MGMT: variants seen among roughly 807,000 people sequenced by gnomAD.
MGMT encodes the protein O-6-methylguanine-DNA methyltransferase.
A neutral mutation model predicts 15.9 loss-of-function variants in MGMT; 14 were observed. The observed-to-expected ratio is 0.88, with a 90% CI of 0.58 to 1.37. The LOEUF is 1.37. MGMT is among the 40% of genes most tolerant of loss of function. MGMT has a pLI of 0.00. For synonymous variants in MGMT, 130 were observed against 118.2 expected, an observed-to-expected ratio of 1.10 and a Z score of -0.65; for missense variants, 282 against 268.1, an observed-to-expected ratio of 1.05 and a Z score of -0.36.
intron 1 of MGMT, among the ~76,000 whole-genome samples, chr10:129,497,891 C>T (rs1845538824): frequency 6.6e-6 from 1 of 152,190 alleles, no homozygotes; most frequent in South Asian, 2.1e-4. Flanking sequence ...CAGACACGGG[C>T]TCTGGCGGCA....
At chr10:129,626,026 T>A (rs1847144729) in intron 2 of MGMT, among the ~76,000 whole-genome samples, 1 of 152,202 alleles carries the variant, frequency 6.6e-6, no homozygotes, top group African/African-American at 2.4e-5. Context: ...GCGCAGAATA[T>A]GTTTGCTTGC....
chr10:129,574,771 G>C (rs1262029945), intron 2 of MGMT, among the ~76,000 whole-genome samples: 1 of 152,204 alleles, frequency 6.6e-6, no homozygotes, highest in Non-Finnish European at 1.5e-5. Context: ...CAGACTTGAT[G>C]ATGTAGCAAC....
At chr10:129,649,037 T>C (rs1313277542) in intron 2 of MGMT, among the ~76,000 whole-genome samples, 1 of 152,210 alleles carries the variant, frequency 6.6e-6, no homozygotes, top group Non-Finnish European at 1.5e-5. Flanking sequence ...TGCCTTTTCC[T>C]GTGGCTGTGG....
At chr10:129,570,323 G>A (rs563553493) in intron 2 of MGMT, among the ~76,000 whole-genome samples, 4 of 152,354 alleles carry the variant, frequency 2.6e-5, no homozygotes, top group Non-Finnish European at 5.9e-5. Context: ...AGCAGCACCC[G>A]GGTTCCACCC....
chr10:129,544,976 G>A (rs183385471), intron 2 of MGMT, among the ~76,000 whole-genome samples: 5 of 152,294 alleles, frequency 3.3e-5, no homozygotes, highest in South Asian at 2.1e-4. Context: ...GTGAGGACTC[G>A]GAGGGACTGG....
chr10:129,637,124 G>C (rs1847272339), intron 2 of MGMT, among the ~76,000 whole-genome samples: 1 of 152,228 alleles, frequency 6.6e-6, no homozygotes, highest in Admixed American at 6.5e-5. Flanking sequence ...ATGCGTATCT[G>C]AAAAGCTCCA....
chr10:129,750,668 G>T (rs1219309409), intron 3 of MGMT, among the ~76,000 whole-genome samples: 1 of 152,064 alleles, frequency 6.6e-6, no homozygotes, highest in Non-Finnish European at 1.5e-5. Context: ...AGGGTTATAT[G>T]CAAATACTAT....
chr10:129,524,900 G>A (rs1845852676), intron 1 of MGMT, among the ~76,000 whole-genome samples: 1 of 152,050 alleles, frequency 6.6e-6, no homozygotes, highest in Non-Finnish European at 1.5e-5. Context: ...CCAGAAAGAC[G>A]TTTATAGGCT....
intron 1 of MGMT, among the ~76,000 whole-genome samples, chr10:129,480,070 G>C (rs1265843670): frequency 1.3e-5 from 2 of 152,174 alleles, no homozygotes; most frequent in East Asian, 1.9e-4. Context: ...AATGTTATCA[G>C]TTTCCATTTT....
intron 2 of MGMT, chr10:129,537,303 C>T (rs942724094): frequency 6.6e-6 from 1 of 152,166 alleles, no homozygotes; most frequent in African/African-American, 2.4e-5. Flanking sequence ...TGAGCACAAG[C>T]GCAGTCATAA....
At chr10:129,672,937 A>G (rs892680378) in intron 2 of MGMT, among the ~76,000 whole-genome samples, 5 of 152,194 alleles carry the variant, frequency 3.3e-5, no homozygotes, top group Non-Finnish European at 7.3e-5. Context: ...TTCTTCCTCT[A>G]GCAGTGCTTG....
chr10:129,605,255 A>G (rs1846875123), intron 2 of MGMT, among the ~76,000 whole-genome samples: 1 of 152,250 alleles, frequency 6.6e-6, no homozygotes, highest in Non-Finnish European at 1.5e-5. Context: ...CATTTCAAAC[A>G]TAGTGTAAAC....
intron 1 of MGMT, among the ~76,000 whole-genome samples, chr10:129,497,725 A>C (rs763427267): frequency 4.6e-4 from 70 of 152,098 alleles, no homozygotes; most frequent in Non-Finnish European, 8.5e-4. Flanking sequence ...TGGCCTTTGG[A>C]GGTGGGGCCT....
chr10:129,508,463 C>T (rs1396678585), intron 1 of MGMT, among the ~76,000 whole-genome samples: 3 of 150,938 alleles, frequency 2.0e-5, no homozygotes, highest in African/African-American at 4.9e-5. Context: ...TGGAGTATAT[C>T]GAGGTAAATG....
chr10:129,552,124 G>A (rs1564849926), intron 2 of MGMT, among the ~76,000 whole-genome samples: 1 of 152,240 alleles, frequency 6.6e-6, no homozygotes, highest in Non-Finnish European at 1.5e-5. Flanking sequence ...CCCACTAAGG[G>A]GGACCTGCTG....
intron 3 of MGMT, among the ~76,000 whole-genome samples, chr10:129,753,666 T>C (rs1848773882): frequency 6.6e-6 from 1 of 152,236 alleles, no homozygotes; most frequent in African/African-American, 2.4e-5. Flanking sequence ...TTATTATTCT[T>C]GATAGCTTCT....
chr10:129,563,396 T>A (rs1846303116), intron 2 of MGMT, among the ~76,000 whole-genome samples: 1 of 152,142 alleles, frequency 6.6e-6, no homozygotes, highest in Admixed American at 6.5e-5. Flanking sequence ...TCTTCTGTGG[T>A]TTCTCTGGAG....
intron 2 of MGMT, among the ~76,000 whole-genome samples, chr10:129,695,908 G>A (rs894031946): frequency 2.0e-5 from 3 of 152,132 alleles, no homozygotes; most frequent in Non-Finnish European, 2.9e-5. Context: ...GGGGAGGGGC[G>A]GGCTGTTCCA....
chr10:129,528,345 A>AGTGGTATAGTGGCCATGGAGAGCTGCAGT (rs1564843274), intron 1 of MGMT, among the ~76,000 whole-genome samples: 3 of 151,604 alleles, frequency 2.0e-5, no homozygotes, highest in African/African-American at 7.3e-5. Context: ...GGAGAGCTGC[A>AGTGGTATAGTGGCCATGGAGAGCTGCAGT]GTGTAGTGGC....
Sources: gnomAD v4.1 joint callset for allele counts (sites outside exome capture counted in the v4.1 genomes callset) on GRCh38, gnomAD v4.1.1 for gene constraint, MANE v1.5 for transcripts, NCBI Gene and HGNC (gene_info 2026-07-23, HGNC 2026-07-21) for gene names.